The following KIAA1217 variants were observed in gnomAD, a reference collection of about 807,000 sequenced individuals.
KIAA1217 encodes the protein sickle tail protein homolog.
In KIAA1217, 88 loss-of-function variants were observed where a neutral mutation model predicts 163.9. The ratio of observed to expected loss-of-function variants is 0.54; its 90% CI spans 0.45 to 0.64. KIAA1217 has a LOEUF of 0.64. Ranked by LOEUF, KIAA1217 falls within the 30% of genes least tolerant of loss-of-function variation. The pLI is 0.00. For synonymous variants in KIAA1217, 903 were observed against 923.1 expected, an observed-to-expected ratio of 0.98 and a Z score of 0.39; for missense variants, 2,372 against 2,475.0, an observed-to-expected ratio of 0.96 and a Z score of 0.88.
intron 2 of KIAA1217, among the ~76,000 whole-genome samples, chr10:24,253,024 C>T (rs900130652): frequency 4.7e-5 from 7 of 150,390 alleles, no homozygotes; most frequent in African/African-American, 1.5e-4. Context: ...AATAGGATTA[C>T]CTGAAAAGGA....
chr10:23,805,996 C>CAAAAAAAAA (rs71397917), intron 1 of KIAA1217, among the ~76,000 whole-genome samples: 338 of 30,176 alleles, frequency 0.011, no homozygotes, highest in East Asian at 0.016. Context: ...AACTCCATCT[C>CAAAAAAAAA]AAAAAAAAAA....
intron 1 of KIAA1217, among the ~76,000 whole-genome samples, chr10:23,942,039 A>G (rs917007263): frequency 5.3e-5 from 8 of 152,212 alleles, no homozygotes; most frequent in Non-Finnish European, 7.3e-5. Flanking sequence ...AAGCCTCTAC[A>G]ATATGTAATT....
chr10:24,296,278 G>GT (rs1473522211), intron 2 of KIAA1217, among the ~76,000 whole-genome samples: 3 of 152,032 alleles, frequency 2.0e-5, no homozygotes, highest in African/African-American at 7.2e-5. Flanking sequence ...TAATTTTTAA[G>GT]TTTTTTTGTA....
chr10:24,219,971 A>C, intron 2 of KIAA1217, 62 bp downstream of exon 2: 1 of 1,473,898 alleles, frequency 6.8e-7, no homozygotes, highest in African/African-American at 1.4e-5. Flanking sequence ...CGAGGAAAGC[A>C]AACTTACTTT....
intron 1 of KIAA1217, among the ~76,000 whole-genome samples, chr10:23,883,926 C>T (rs956744386): frequency 9.2e-5 from 14 of 151,990 alleles, no homozygotes; most frequent in Non-Finnish European, 8.8e-5. Context: ...AAATTTCCTC[C>T]GCATATTTTC....
intron 2 of KIAA1217, among the ~76,000 whole-genome samples, chr10:24,357,697 T>G (rs2049299026): frequency 6.6e-6 from 1 of 152,084 alleles, no homozygotes; most frequent in South Asian, 2.1e-4. Context: ...GGAAGGGGCG[T>G]TTTAGTGAAA....
intron 2 of KIAA1217, among the ~76,000 whole-genome samples, chr10:24,118,365 T>C (rs946434833): frequency 1.3e-5 from 2 of 152,126 alleles, no homozygotes; most frequent in African/African-American, 4.8e-5. Flanking sequence ...AGAGACAGCA[T>C]ATATGGGCTC....
chr10:23,966,374 T>C (rs1589154287), intron 1 of KIAA1217, among the ~76,000 whole-genome samples: 1 of 152,082 alleles, frequency 6.6e-6, no homozygotes, highest in Admixed American at 6.6e-5. Context: ...AGAGCACTGT[T>C]TGGAGAAAGT....
chr10:24,146,023 A>G (rs1260741558), intron 2 of KIAA1217, among the ~76,000 whole-genome samples: 2 of 152,212 alleles, frequency 1.3e-5, no homozygotes, highest in Non-Finnish European at 2.9e-5. Flanking sequence ...CCTTCAATCC[A>G]ATCAAGTTGA....
intron 2 of KIAA1217, among the ~76,000 whole-genome samples, chr10:24,348,201 A>C (rs1035918576): frequency 1.3e-5 from 2 of 152,088 alleles, no homozygotes; most frequent in African/African-American, 4.8e-5. Flanking sequence ...TGAAAATACA[A>C]AATTAGCTGG....
Position 23,818,266 on chromosome 10 carries a change from T to C in KIAA1217, c.-321+123032T>C, listed in dbSNP as rs1043130422. Among the ~76,000 whole-genome samples the C allele has an allele frequency of 2.8e-5, 4 of 143,326 alleles. No homozygotes were observed. In the Admixed American group the frequency reaches 2.9e-4, roughly 10 times the overall value. The allele number at this position is 143,326 out of a possible 152,430, so 94.0% of individuals were successfully genotyped here. ...TACATAATATATATTTTATATGTAA[T>C]ATATAATATGTTATATATTTATATG... On this transcript the variant is annotated intron_variant, in intron 1 of 18. Coordinates refer to the KIAA1217 transcript ENST00000376462.
chr10:23,770,611 A>G (rs930751377), intron 1 of KIAA1217, among the ~76,000 whole-genome samples: 1 of 152,154 alleles, frequency 6.6e-6, no homozygotes, highest in African/African-American at 2.4e-5. Flanking sequence ...CATCAGTCTA[A>G]AAAGTTAGTG....
At chr10:24,434,934 T>C (rs2059905932) in intron 4 of KIAA1217, among the ~76,000 whole-genome samples, 1 of 152,124 alleles carries the variant, frequency 6.6e-6, no homozygotes, top group African/African-American at 2.4e-5. Flanking sequence ...GGTCAAGAAC[T>C]TTTTGATTTC....
intron 1 of KIAA1217, among the ~76,000 whole-genome samples, chr10:23,905,141 G>A (rs929111078): frequency 6.6e-5 from 9 of 136,276 alleles, no homozygotes; most frequent in Non-Finnish European, 7.6e-5. Context: ...TAATGTATCA[G>A]TATGTAGCCT....
At chr10:24,173,166 G>T (rs1197464161) in intron 2 of KIAA1217, among the ~76,000 whole-genome samples, 1 of 152,146 alleles carries the variant, frequency 6.6e-6, no homozygotes, top group Non-Finnish European at 1.5e-5. Flanking sequence ...TCTCATAGGA[G>T]TGTGAACCTG....
At position 24,547,194 on chromosome 10, in the gene KIAA1217, C is replaced by T. The variant is rs553412374; in HGVS notation, c.*870C>T. On this transcript the variant is annotated 3_prime_UTR_variant, in exon 21 of 21. Transcript: ENST00000376454. ...TGGATTTTAAAATGTATACTCTGTA[C>T]GGTTCTGTAAACCGAAAAACTTTTG... The T allele has an allele frequency of 3.9e-5, 6 of 152,092 alleles. No individual in the cohort carries two copies. Among genetic ancestry groups the T allele is most frequent in the Non-Finnish European group, 5.9e-5 (4 of 67,978 alleles). 9.4% of individuals were successfully genotyped at this position (152,092 alleles called of 1,614,324 possible). A position where few individuals can be genotyped will look rare whatever the true frequency, so the allele number is the denominator to read the frequency against.
chr10:24,533,518 T>C (rs16924851), intron 16 of KIAA1217, among the ~76,000 whole-genome samples: 1,855 of 152,366 alleles, frequency 0.012, 20 homozygotes, highest in African/African-American at 0.023. Flanking sequence ...TCTTAAGAGA[T>C]TCTGCTTCAT....
At chr10:24,452,258 C>A (rs897066527) in intron 5 of KIAA1217, among the ~76,000 whole-genome samples, 2 of 152,098 alleles carry the variant, frequency 1.3e-5, no homozygotes, top group Non-Finnish European at 2.9e-5. Flanking sequence ...CTGGCTACTG[C>A]AGACTTGTAA....
chr10:24,335,717 C>T (rs2046281419), intron 2 of KIAA1217, among the ~76,000 whole-genome samples: 1 of 151,942 alleles, frequency 6.6e-6, no homozygotes, highest in South Asian at 2.1e-4. Context: ...TCAAGCAATC[C>T]TCCTGCTTCA....
Sources: allele counts gnomAD v4.1 joint callset (sites outside exome capture counted in the v4.1 genomes callset), GRCh38; gene constraint gnomAD v4.1.1; transcripts MANE v1.5; gene names NCBI Gene and HGNC (gene_info 2026-07-23, HGNC 2026-07-21).